CACNA2D4: variants seen among roughly 807,000 people sequenced by gnomAD.
CACNA2D4 encodes voltage-dependent calcium channel subunit alpha-2/delta-4.
CACNA2D4 carries 157 observed loss-of-function variants against 163.8 expected under a neutral mutation model. The observed-to-expected ratio is 0.96, with a 90% CI of 0.84 to 1.09. The LOEUF (loss-of-function observed/expected upper bound fraction) is 1.09, where lower values mean the gene tolerates loss of function less well. Ranked by LOEUF, CACNA2D4 falls within the 50% of genes least tolerant of loss-of-function variation. The probability of loss-of-function intolerance (pLI) is 0.00; values close to 1 mark genes in which losing one functional copy is unlikely to be tolerated. For synonymous variants in CACNA2D4, 598 were observed against 586.9 expected (o/e 1.02, Z -0.27); for missense variants, 1,410 against 1,479.9 (o/e 0.95, Z 0.78).
In CACNA2D4 at chr12:1,843,086, G is replaced by T. The variant is rs1865065223; in HGVS notation, c.2470+1316C>A. On this transcript the variant is annotated intron_variant, in intron 25 of 37. Coordinates refer to ENST00000382722, the MANE Select transcript of CACNA2D4 (RefSeq NM_172364.5). This position sits in a 1 kb window ranked among gnomAD's most constrained non-coding sequence, Gnocchi z 4.6. ...ATAATGACGGCACTTATCTCATGGG[G>T]TTGTCTAGATTAAATGAAAAACACG... Among the ~76,000 whole-genome samples, 2 of 152,162 alleles carry T rather than the reference G, an allele frequency of 1.3e-5. No homozygotes were observed. The highest frequency in any genetic ancestry group is 2.4e-5 in the African/African-American group (1 of 41,442).
intron 16 of CACNA2D4, among the ~76,000 whole-genome samples, chr12:1,877,802 C>A (rs183719247): frequency 6.6e-6 from 1 of 152,330 alleles, no homozygotes; most frequent in Non-Finnish European, 1.5e-5. Context: ...GCAGAGCTTT[C>A]AGATAAGACA....
chr12:1,802,234 C>T lies in CACNA2D4; in HGVS notation c.2722-590G>A, dbSNP rs1424907026. Among the ~76,000 whole-genome samples the T allele has an allele frequency of 6.6e-6, 1 of 152,102 alleles. No individual in the cohort carries two copies. On this transcript the variant is annotated intron_variant, in intron 29 of 37. Coordinates refer to ENST00000382722, the MANE Select transcript of CACNA2D4 (RefSeq NM_172364.5). This position sits in a 1 kb window ranked among gnomAD's most constrained non-coding sequence, Gnocchi z 4.7. Reference sequence around the variant, plus strand: ...GATCGGTCATTTGTCCCCTCCATGACAATGACCTAACCGGATCCCTTGCCC... The same window carrying T: ...GATCGGTCATTTGTCCCCTCCATGATAATGACCTAACCGGATCCCTTGCCC...
rs200708861 is a variant in CACNA2D4, at chr12:1,850,406, G to A, written c.2246+3545C>T. On this transcript the variant is annotated intron_variant, in intron 23 of 37. Transcript: ENST00000382722. ...TTTGCATTTTTCCTCTGAACTGTTC[G>A]TATTTCTTGACTACTTTCCCTCTAA... Among the ~76,000 whole-genome samples, 10 of 152,186 alleles carry A rather than the reference G, an allele frequency of 6.6e-5. No individual in the cohort carries two copies. The East Asian group carries it at 1.3e-3, about 21-fold the overall frequency.
At chr12:1,800,911 G>A (rs1028810244) in intron 31 of CACNA2D4, 132 bp downstream of exon 31, 2 of 765,452 alleles carry the variant, frequency 2.6e-6, no homozygotes, top group African/African-American at 3.4e-5. Flanking sequence ...AGCAGAAGAT[G>A]GAGATGGTCA....
In CACNA2D4 at chr12:1,844,346, G is replaced by C; in HGVS notation, c.2470+56C>G. The C allele has an allele frequency of 6.3e-7, 1 of 1,593,188 alleles. No individual in the cohort carries two copies. The highest frequency in any genetic ancestry group is 2.2e-5 in the East Asian group (1 of 44,486). ...TCCCACTAAGAGCACAGCAGGAGGAGAGATGAGACTGGCCTGAGACTGGCC... is the reference window on the plus strand; with the variant it reads ...TCCCACTAAGAGCACAGCAGGAGGACAGATGAGACTGGCCTGAGACTGGCC... On this transcript the variant is annotated intron_variant, in intron 25 of 37. Transcript: ENST00000382722. This position sits in a 1 kb window ranked among gnomAD's most constrained non-coding sequence, Gnocchi z 4.2.
rs939785890 is a variant in CACNA2D4 at position 1,913,058 on chromosome 12, C to T, written c.391G>A (p.Glu131Lys). 3.7e-6 allele frequency: 6 copies of T among 1,613,814 alleles called. No homozygotes were observed. Among genetic ancestry groups the T allele is most frequent in the Admixed American group, 1.7e-5 (1 of 60,022 alleles). ...ELVRKFSEDM[E>K]NMLRRKVEAV... The stretch of plus-strand genomic sequence containing the variant: ...TCGACTTTCCTCCGCAGCATGTTCT[C>T]CATGTCCTCTGAGAACTTCCTCACC... The change falls in exon 3 of 38, where the codon GAG becomes AAG. Residue 131 changes from glutamate to lysine, a missense_variant. Transcript: ENST00000382722.
chr12:1,907,784 AT>A lies in CACNA2D4; in HGVS notation c.649+90del, dbSNP rs1555187543. On this transcript the variant is annotated intron_variant, in intron 5 of 37. Transcript: ENST00000382722. ...TGTCTGGTGGGCCAGCCTGGTGAGT[AT>A]GCCTGGTGGGTGTGCCTGGTGGGCG... The A allele has an allele frequency of 2.8e-5, 4 of 144,344 alleles. 1 individual carries two copies. Among genetic ancestry groups the A allele is most frequent in the African/African-American group, 5.9e-5 (1 of 16,972 alleles). 8.9% of individuals were successfully genotyped at this position (144,344 alleles called of 1,614,324 possible).
intron 18 of CACNA2D4, among the ~76,000 whole-genome samples, chr12:1,861,263 C>T (rs1865519002): frequency 6.6e-6 from 1 of 152,192 alleles, no homozygotes; most frequent in Non-Finnish European, 1.5e-5. Flanking sequence ...TTTCACAAAA[C>T]TGGACCCATC....
chr12:1,863,392 T>C (rs1029040826), intron 18 of CACNA2D4, among the ~76,000 whole-genome samples: 2 of 152,256 alleles, frequency 1.3e-5, no homozygotes, highest in African/African-American at 2.4e-5. Context: ...TATTTCAAGA[T>C]AATTTTGCCT....
rs1484085189 is a variant in CACNA2D4, at chr12:1,882,962, C to G, written c.1390G>C (p.Glu464Gln). The change falls in exon 13 of 38, where the codon GAG (glutamate) becomes CAG (glutamine). Residue 464 changes from glutamate (E) to glutamine (Q), a missense_variant. Transcript: ENST00000382722. Reference protein sequence around the residue: ...TQISTLADTQENVMEYLHVLS... With the variant: ...TQISTLADTQQNVMEYLHVLS... Reference sequence around the variant, plus strand: ...ACGTGCAGGTATTCCATCACGTTCTCCTGGGTGTCCGCCAGCGTTGAGATC... The same window carrying G: ...ACGTGCAGGTATTCCATCACGTTCTGCTGGGTGTCCGCCAGCGTTGAGATC... The G allele has an allele frequency of 6.2e-7, 1 of 1,613,208 alleles. No individual in the cohort carries two copies. Among genetic ancestry groups the G allele is most frequent in the African/African-American group, 1.3e-5 (1 of 74,914 alleles).
chr12:1,854,293 G>GGA (rs1024954720), intron 22 of CACNA2D4, among the ~76,000 whole-genome samples: 4 of 152,138 alleles, frequency 2.6e-5, no homozygotes, highest in Non-Finnish European at 5.9e-5. Flanking sequence ...GATGAACTTA[G>GGA]GAGACCCTCA....
At chr12:1,915,072 AAC>A in intron 1 of CACNA2D4, 137 bp from the exon 2 acceptor site, 2 of 728,664 alleles carry the variant, frequency 2.7e-6, no homozygotes, top group South Asian at 2.9e-5. Flanking sequence ...TGCATACTCC[AAC>A]ACACAGACAC....
intron 26 of CACNA2D4, among the ~76,000 whole-genome samples, chr12:1,818,418 C>T (rs1466681082): frequency 6.6e-6 from 1 of 151,882 alleles, no homozygotes; most frequent in Non-Finnish European, 1.5e-5. Context: ...TCATTTTGTT[C>T]TGCACTAAGA....
At chr12:1,893,387 T>A (rs955584529) in intron 6 of CACNA2D4, among the ~76,000 whole-genome samples, 1 of 152,020 alleles carries the variant, frequency 6.6e-6, no homozygotes, top group Admixed American at 6.6e-5. Context: ...CACATGGTGG[T>A]GGGCGCCTGT....
chr12:1,814,162 C>T (rs969596635), intron 26 of CACNA2D4, among the ~76,000 whole-genome samples: 3 of 152,184 alleles, frequency 2.0e-5, no homozygotes, highest in Non-Finnish European at 2.9e-5. Context: ...TGAGACTCTG[C>T]CTTTCCATTT....
rs149880077 is a variant in CACNA2D4, at chr12:1,834,044, C to A, written c.2551+6695G>T. On this transcript the variant is annotated intron_variant, in intron 26 of 37. Coordinates refer to ENST00000382722, the MANE Select transcript of CACNA2D4 (RefSeq NM_172364.5). The surrounding 1 kb of genome is among the most constrained non-coding windows in gnomAD (Gnocchi z 7.6). The stretch of plus-strand genomic sequence containing the variant: ...CAATATCCATTTCACATGGCTTCTG[C>A]GAGGATGAAATGGCACGATATACGT... Among the ~76,000 whole-genome samples, 1 of 152,174 alleles carries A rather than the reference C, an allele frequency of 6.6e-6. No individual in the cohort carries two copies. The highest frequency in any genetic ancestry group is 1.5e-5 in the Non-Finnish European group (1 of 68,030).
In CACNA2D4 at chr12:1,877,577, T is replaced by C. The variant is rs115870743; in HGVS notation, c.1719+738A>G. 7.2e-3 allele frequency among the ~76,000 whole-genome samples: 1,093 copies of C among 152,270 alleles called. 10 individuals carry two copies. The highest frequency in any genetic ancestry group is 0.025 in the African/African-American group (1,029 of 41,556). On this transcript the variant is annotated intron_variant, in intron 16 of 37. Coordinates refer to ENST00000382722, the MANE Select transcript of CACNA2D4 (RefSeq NM_172364.5). ...GAATGGAGTGTGGCTTAGACTGACC[T>C]CTCCAAATGACACCTGGGCAGATGA...
intron 6 of CACNA2D4, among the ~76,000 whole-genome samples, chr12:1,897,142 A>ATG: frequency 1.3e-5 from 2 of 152,216 alleles, no homozygotes; most frequent in Middle Eastern, 3.4e-3. Flanking sequence ...CAAGCACTAC[A>ATG]TGTTCTCGTT....
At chr12:1,830,669 C>G (rs780082942) in intron 26 of CACNA2D4, among the ~76,000 whole-genome samples, 5 of 152,242 alleles carry the variant, frequency 3.3e-5, no homozygotes, top group African/African-American at 4.8e-5. Context: ...TCTGCAGGGT[C>G]ATTCTCCACT....
Sources: allele counts gnomAD v4.1 joint callset (sites outside exome capture counted in the v4.1 genomes callset), GRCh38; gene constraint gnomAD v4.1.1; non-coding constraint Gnocchi (gnomAD v3.1); transcripts MANE v1.5; gene names NCBI Gene and HGNC (gene_info 2026-07-23, HGNC 2026-07-21).